SLC6A18: variants seen among roughly 807,000 people sequenced by gnomAD.
SLC6A18 encodes solute carrier family 6 member 18.
SLC6A18 carries 58 observed loss-of-function variants against 62.9 expected under a neutral mutation model. The ratio of observed to expected loss-of-function variants is 0.92; its 90% confidence interval spans 0.75 to 1.15. The LOEUF (loss-of-function observed/expected upper bound fraction) is 1.15, where lower values mean the gene tolerates loss of function less well. Among genes scored for constraint, SLC6A18 ranks in the 50% most tolerant of loss-of-function variants. The pLI is 0.00. For synonymous variants in SLC6A18, 382 were observed against 365.8 expected (o/e 1.04, Z -0.51); for missense variants, 793 against 836.6 (o/e 0.95, Z 0.64).
rs1220189524 is a variant in SLC6A18 at position 1,243,896 on chromosome 5, C to A, written c.1336+137C>A. 1.5e-5 allele frequency: 13 copies of A among 891,964 alleles called. No homozygotes were observed. The African/African-American group carries it at 2.0e-4, about 14-fold the overall frequency. 55.3% of individuals were successfully genotyped at this position (891,964 alleles called of 1,614,324 possible). A position where few individuals can be genotyped will look rare whatever the true frequency, so the allele number is the denominator to read the frequency against. On this transcript the variant is annotated intron_variant, in intron 9 of 11. Coordinates refer to ENST00000324642, the MANE Select transcript of SLC6A18 (RefSeq NM_182632.3). This position sits in a 1 kb window ranked among gnomAD's most constrained non-coding sequence, Gnocchi z 6.5. ...GAGTTCAGGGAAAGGCTGAGCCAGG[C>A]TACTCCTTGCTGACAGCCATCAACG...
At chr5:1,235,418 A>C in intron 3 of SLC6A18, 63 bp from the exon 4 acceptor site, 1 of 1,544,296 alleles carries the variant, frequency 6.5e-7, no homozygotes, top group Middle Eastern at 1.8e-4. Flanking sequence ...ATTGAGCTCA[A>C]GAGCCACATG....
Position 1,225,436 on chromosome 5 carries a change from G to A in SLC6A18, c.-42G>A. 2.5e-6 allele frequency: 4 copies of A among 1,577,560 alleles called. No individual in the cohort carries two copies. The South Asian group carries it at 3.4e-5, about 14-fold the overall frequency. On this transcript the variant is annotated 5_prime_UTR_variant, in exon 1 of 12. Coordinates refer to ENST00000324642, the MANE Select transcript of SLC6A18 (RefSeq NM_182632.3). ...GGCTCTCTAGTGCTGGGTGTGGAGT[G>A]AGGCACCACCCTTGCCCTGAAGCCT...
At chr5:1,226,973 C>CGCCTTGCCCACCGAT (rs577692948) in intron 1 of SLC6A18, among the ~76,000 whole-genome samples, 52,896 of 100,544 alleles carry the variant, frequency 0.53, 10,521 homozygotes, top group Non-Finnish European at 0.57. Flanking sequence ...TGCCCACCGA[C>CGCCTTGCCCACCGAT]GCCTTGCCCA....
chr5:1,227,114 C>T (rs1351763917), intron 1 of SLC6A18, among the ~76,000 whole-genome samples: 42 of 150,156 alleles, frequency 2.8e-4, no homozygotes, highest in Middle Eastern at 3.5e-3. Flanking sequence ...CCTTGCCCGC[C>T]GACGCCTTGC....
chr5:1,243,131 C>G lies in SLC6A18; in HGVS notation c.1131+268C>G, dbSNP rs775383475. 2.0e-5 allele frequency among the ~76,000 whole-genome samples: 3 copies of G among 152,130 alleles called. No individual in the cohort carries two copies. Among genetic ancestry groups the G allele is most frequent in the Non-Finnish European group, 4.4e-5 (3 of 68,014 alleles). On this transcript the variant is annotated intron_variant, in intron 8 of 11. Coordinates refer to ENST00000324642, the MANE Select transcript of SLC6A18 (RefSeq NM_182632.3). This position sits in a 1 kb window ranked among gnomAD's most constrained non-coding sequence, Gnocchi z 6.5. ...CCGAGAGAGTGGGCATTGCTGGTGC[C>G]CAGACCCCAGGAGAGGGGGTGGCCA...
intron 1 of SLC6A18, among the ~76,000 whole-genome samples, chr5:1,227,069 C>T (rs1207944806): frequency 2.0e-5 from 3 of 148,696 alleles, no homozygotes; most frequent in Admixed American, 6.7e-5. Flanking sequence ...CCTTGCCCGC[C>T]GACCCCTTGC....
At position 1,242,777 on chromosome 5, in the gene SLC6A18, G is replaced by A. The variant is rs369530348; in HGVS notation, c.1045G>A (p.Val349Ile). The A allele has an allele frequency of 2.4e-5, 39 of 1,613,880 alleles. No homozygotes were observed. The highest frequency in any genetic ancestry group is 9.3e-5 in the African/African-American group (7 of 74,942). The change falls in exon 8 of 12, where the codon GTC (valine) becomes ATC (isoleucine). Residue 349 changes from valine (V) to isoleucine (I), a missense_variant. Transcript: ENST00000324642. ...QSISRDDYPA[V>I]LMHLNATWPK... is the part of the protein sequence containing the mutation. ...CATCTCCAGGGACGACTACCCAGCC[G>A]TCCTCATGCACCTGAACGCCACCTG...
intron 1 of SLC6A18, among the ~76,000 whole-genome samples, chr5:1,231,002 C>T (rs1370093853): frequency 5.3e-5 from 8 of 152,172 alleles, no homozygotes; most frequent in African/African-American, 1.9e-4. Context: ...TCTTCAGCAG[C>T]GTAGTGATGC....
At chr5:1,238,982 G>C (rs1256921380) in intron 5 of SLC6A18, among the ~76,000 whole-genome samples, 1 of 152,242 alleles carries the variant, frequency 6.6e-6, no homozygotes, top group African/African-American at 2.4e-5. Context: ...TGTGGGAGTG[G>C]GCACCTGGGT....
In SLC6A18 at chr5:1,246,115, G is replaced by A. The variant is rs753378190; in HGVS notation, c.*37G>A. 2.6e-6 allele frequency: 4 copies of A among 1,529,598 alleles called. No individual in the cohort carries two copies. The highest frequency in any genetic ancestry group is 1.2e-5 in the South Asian group (1 of 82,318). 94.8% of individuals were successfully genotyped at this position (1,529,598 alleles called of 1,614,324 possible). A position where few individuals can be genotyped will look rare whatever the true frequency, so the allele number is the denominator to read the frequency against. On this transcript the variant is annotated 3_prime_UTR_variant, in exon 12 of 12. Transcript: ENST00000324642. ...GCGGGGCCTGCATGGGCGGGTCTGT[G>A]GGGGGGCTTGGCCTGATGGTGGGCG...
chr5:1,233,585 CTTT>C (rs111463112), intron 3 of SLC6A18, among the ~76,000 whole-genome samples: 24 of 138,576 alleles, frequency 1.7e-4, no homozygotes, highest in Admixed American at 2.9e-4. Context: ...ATATTTTCTT[CTTT>C]TTTTTTTTTT....
chr5:1,245,796 G>T (rs929513563), intron 11 of SLC6A18, 52 bp from the exon 12 acceptor site: 1 of 1,537,518 alleles, frequency 6.5e-7, no homozygotes, highest in East Asian at 2.4e-5. Context: ...ACGGGGGTCA[G>T]CCTCACGGCC....
intron 3 of SLC6A18, among the ~76,000 whole-genome samples, chr5:1,233,635 G>A (rs1172980590): frequency 1.3e-5 from 2 of 149,508 alleles, no homozygotes; most frequent in Non-Finnish European, 3.0e-5. Context: ...CCAGGCTGGA[G>A]TGCAGTGGTG....
At chr5:1,240,722 C>G in intron 7 of SLC6A18, 63 bp downstream of exon 7, 1 of 1,599,792 alleles carries the variant, frequency 6.3e-7, no homozygotes, top group Middle Eastern at 1.7e-4. Context: ...CCTGCCGCAC[C>G]GAGAATCCCA....
chr5:1,228,651 C>T (rs1355267630), intron 1 of SLC6A18, among the ~76,000 whole-genome samples: 10 of 152,190 alleles, frequency 6.6e-5, no homozygotes, highest in Non-Finnish European at 2.9e-5. Context: ...CTAAACTTCA[C>T]GTAATTGTTA....
intron 7 of SLC6A18, 144 bp downstream of exon 7, chr5:1,240,803 G>C: frequency 8.4e-7 from 1 of 1,192,108 alleles, no homozygotes; most frequent in Non-Finnish European, 1.2e-6. Flanking sequence ...GTCCCCAGAA[G>C]GTCACTTCCA....
At position 1,237,961 on chromosome 5, in the gene SLC6A18, C is replaced by A; in HGVS notation, c.633C>A (p.Phe211Leu). Residue 211 changes from phenylalanine (F) to leucine (L), a missense_variant, in exon 5 of 12, where the codon TTC becomes TTA. Transcript: ENST00000324642. ...CCTTTTGTTTCAAGGTGATTTACTT[C>A]ACAGCTTTGTTCCCTTACCTGGTCC... ...GIETTGKVIY[F>L]TALFPYLVLT... 1 of 1,614,058 alleles carries A rather than the reference C, an allele frequency of 6.2e-7. No individual in the cohort carries two copies. The highest frequency in any genetic ancestry group is 8.5e-7 in the Non-Finnish European group (1 of 1,179,908).
rs1419403159 is a variant in SLC6A18 at position 1,243,699 on chromosome 5, A to C, written c.1276A>C (p.Ile426Leu). 1 of 1,613,870 alleles carries C rather than the reference A, an allele frequency of 6.2e-7. No homozygotes were observed. ...CATGTTCGGGACCGTGGAGGCGGTCATCACACCCCTGCTGGACGTGGGGGT... is the reference window on the plus strand; with the variant it reads ...CATGTTCGGGACCGTGGAGGCGGTCCTCACACCCCTGCTGGACGTGGGGGT... The part of the protein sequence containing the change: ...STMFGTVEAV[I>L]TPLLDVGVLP... The change falls in exon 9 of 12, where the codon ATC (isoleucine) becomes CTC (leucine). Residue 426 changes from isoleucine to leucine, a missense_variant. Coordinates refer to ENST00000324642, the MANE Select transcript of SLC6A18 (RefSeq NM_182632.3). This position sits in a 1 kb window ranked among gnomAD's most constrained non-coding sequence, Gnocchi z 6.5.
intron 10 of SLC6A18, 51 bp from the exon 11 acceptor site, chr5:1,244,557 G>A (rs1747164561): frequency 6.4e-7 from 1 of 1,558,962 alleles, no homozygotes; most frequent in South Asian, 1.2e-5. Flanking sequence ...GGCTTGGAGT[G>A]GGTGGACCTT....
Sources: gnomAD v4.1 joint callset for allele counts (sites outside exome capture counted in the v4.1 genomes callset) on GRCh38, gnomAD v4.1.1 for gene constraint, Gnocchi (gnomAD v3.1) non-coding constraint, MANE v1.5 for transcripts, NCBI Gene and HGNC (gene_info 2026-07-23, HGNC 2026-07-21) for gene names.